The following LINGO3 variants were observed in gnomAD, a reference collection of about 807,000 sequenced individuals.
LINGO3 encodes the protein leucine-rich repeat and immunoglobulin-like domain-containing nogo receptor-interacting protein 3.
For synonymous variants in LINGO3, 427 were observed against 444.2 expected (o/e 0.96, Z 0.49); for missense variants, 750 against 867.7 (o/e 0.86, Z 1.70).
At chr19:2,302,080 T>G in the LINGO3 span, among the ~76,000 whole-genome samples, 2 of 142,768 alleles carry the variant, frequency 1.4e-5, no homozygotes, top group African/African-American at 2.6e-5. Flanking sequence ...TTTTTTTTTT[T>G]TGAGACAGTC....
At chr19:2,304,740 C>CA in the LINGO3 span, among the ~76,000 whole-genome samples, 2 of 83,032 alleles carry the variant, frequency 2.4e-5, no homozygotes, top group Admixed American at 1.8e-4. Context: ...TTTTTTGAGA[C>CA]AGAGTCTCGC....
exon 1 of LINGO3, chr19:2,291,716 G>GGGGCGGCGCCGC (rs1041063267): frequency 6.4e-5 from 86 of 1,342,026 alleles, no homozygotes; most frequent in Non-Finnish European, 7.4e-5. Flanking sequence ...CCTCCAGCCG[G>GGGGCGGCGCCGC]GGGCGGCGCC....
chr19:2,295,035 G>A (rs1490762596), upstream of LINGO3, among the ~76,000 whole-genome samples: 3 of 152,100 alleles, frequency 2.0e-5, no homozygotes, highest in African/African-American at 4.8e-5. Context: ...AAATATCTGC[G>A]AAGGCAGCTC....
At chr19:2,303,111 G>A in the LINGO3 span, among the ~76,000 whole-genome samples, 2 of 152,004 alleles carry the variant, frequency 1.3e-5, no homozygotes, top group East Asian at 1.9e-4. Context: ...AGGAAGCCCC[G>A]TCCCCTTCAG....
chr19:2,303,363 G>C, the LINGO3 span, among the ~76,000 whole-genome samples: 3 of 152,292 alleles, frequency 2.0e-5, no homozygotes, highest in Admixed American at 6.5e-5. Context: ...CTGTGGGGGG[G>C]GGGGTCTGTT....
chr19:2,290,984 C>G lies in LINGO3; in HGVS notation c.793G>C (p.Ala265Pro). ...GTGAGGTGCGCCTGGTGCCGCAGCG[C>G]GGCGGCCGGCACGGCGGTGATGTTG... Residue 265 changes from alanine (A) to proline (P), a missense_variant, in exon 1 of 1, where the codon GCG becomes CCG. Transcript: ENST00000585527. This position sits in a 1 kb window ranked among gnomAD's most constrained non-coding sequence, Gnocchi z 6.0. 1 of 1,611,688 alleles carries G rather than the reference C, an allele frequency of 6.2e-7. No homozygotes were observed.
chr19:2,293,890 T>G (rs946051671), upstream of LINGO3, among the ~76,000 whole-genome samples: 80 of 151,842 alleles, frequency 5.3e-4, 1 homozygote, highest in African/African-American at 1.8e-3. Context: ...CCGTCTCAAC[T>G]AAAAATACAA....
chr19:2,305,153 G>A, the LINGO3 span, among the ~76,000 whole-genome samples: 14 of 152,242 alleles, frequency 9.2e-5, no homozygotes, highest in South Asian at 2.1e-4. Flanking sequence ...GAGGGAGGTC[G>A]CTCGAGGCCT....
Position 2,290,674 on chromosome 19 carries a change from T to C in LINGO3, c.1103A>G (p.Lys368Arg). 6.2e-7 allele frequency: 1 copy of C among 1,608,542 alleles called. No homozygotes were observed. The highest frequency in any genetic ancestry group is 1.1e-5 in the South Asian group (1 of 90,710). The change falls in exon 1 of 1, where the codon AAG becomes AGG. Residue 368 changes from lysine to arginine, a missense_variant. Lys to Arg is a conservative substitution (Grantham distance 26, BLOSUM62 2). Coordinates refer to ENST00000585527, the Ensembl canonical transcript of LINGO3. The surrounding 1 kb of genome is among the most constrained non-coding windows in gnomAD (Gnocchi z 6.0). ...CAGCCGCCCGTCGAAGTTGAGGGTCTTGCGACGCTGCACGATCCACAGCAG... is the reference window on the plus strand; with the variant it reads ...CAGCCGCCCGTCGAAGTTGAGGGTCCTGCGACGCTGCACGATCCACAGCAG...
chr19:2,296,434 C>T (rs560499568), upstream of LINGO3, among the ~76,000 whole-genome samples: 4 of 152,102 alleles, frequency 2.6e-5, no homozygotes, highest in East Asian at 5.8e-4. Context: ...GAGCTGAGAT[C>T]GCGCCGCTGC....
the LINGO3 span, among the ~76,000 whole-genome samples, chr19:2,298,428 C>T: frequency 1.3e-5 from 2 of 151,942 alleles, no homozygotes; most frequent in Admixed American, 6.6e-5. Flanking sequence ...GATAGGGTCT[C>T]ACTCTATTGC....
the LINGO3 span, among the ~76,000 whole-genome samples, chr19:2,302,211 G>A: frequency 6.6e-6 from 1 of 151,518 alleles, no homozygotes; most frequent in African/African-American, 2.4e-5. Flanking sequence ...ACAGACATGC[G>A]CCACTACGCC....
chr19:2,305,915 C>T, the LINGO3 span, among the ~76,000 whole-genome samples: 1 of 152,240 alleles, frequency 6.6e-6, no homozygotes. Flanking sequence ...ATCCTCTGCC[C>T]TAGATCCAGG....
chr19:2,297,657 T>C, the LINGO3 span, among the ~76,000 whole-genome samples: 1 of 143,250 alleles, frequency 7.0e-6, no homozygotes, highest in Non-Finnish European at 1.5e-5. Flanking sequence ...CAGGCTGGAG[T>C]GCAATGGCAC....
chr19:2,288,657 G>A (rs1259560991), downstream of LINGO3, among the ~76,000 whole-genome samples: 3 of 152,176 alleles, frequency 2.0e-5, no homozygotes, highest in East Asian at 5.8e-4. The surrounding 1 kb of genome is among the most constrained non-coding windows in gnomAD (Gnocchi z 6.5). Flanking sequence ...CTTGTGGACA[G>A]CCCTGCTGGG....
At chr19:2,302,741 G>A in the LINGO3 span, among the ~76,000 whole-genome samples, 2 of 152,360 alleles carry the variant, frequency 1.3e-5, no homozygotes, top group East Asian at 1.9e-4. Flanking sequence ...TACCATGCAC[G>A]ACCAGCCGCA....
the LINGO3 span, among the ~76,000 whole-genome samples, chr19:2,297,512 C>T: frequency 7.3e-4 from 111 of 151,388 alleles, no homozygotes; most frequent in African/African-American, 2.6e-3. Context: ...ACCACGTTGG[C>T]CAGGATGGTC....
chr19:2,290,187 G>T lies in LINGO3; in HGVS notation c.1590C>A (p.Ser530=), dbSNP rs776480078. The change falls in exon 1 of 1, where the codon TCC becomes TCA. Residue 530 remains serine (S), a synonymous_variant. Transcript: ENST00000585527. The surrounding 1 kb of genome is among the most constrained non-coding windows in gnomAD (Gnocchi z 6.0). ...GGAAGGTGATGCAGCCCATGGCGGT[G>T]GACACCAGGATGGTGGTGAGGTCGA... The T allele has an allele frequency of 5.6e-6, 9 of 1,611,614 alleles. No individual in the cohort carries two copies. Among genetic ancestry groups the T allele is most frequent in the East Asian group, 2.2e-5 (1 of 44,770 alleles).
rs1201438705 is a variant in LINGO3, at chr19:2,290,236, G to A, written c.1541C>T (p.Thr514Met). 5.6e-6 allele frequency: 9 copies of A among 1,604,992 alleles called. No individual in the cohort carries two copies. Among genetic ancestry groups the A allele is most frequent in the South Asian group, 1.1e-5 (1 of 90,756 alleles). Residue 514 changes from threonine (T) to methionine (M), a missense_variant, in exon 1 of 1, where the codon ACG (threonine) becomes ATG (methionine). Thr to Met is a moderately conservative substitution (Grantham distance 81). Coordinates refer to ENST00000585527, the Ensembl canonical transcript of LINGO3. This position sits in a 1 kb window ranked among gnomAD's most constrained non-coding sequence, Gnocchi z 6.0. ...GAGCGGCGCGCGCAGGGCCGCCAGC[G>A]TCTCGTTGTGGGCCTCGCCCGGGGT...
Sources: allele counts gnomAD v4.1 joint callset (sites outside exome capture counted in the v4.1 genomes callset), GRCh38; gene constraint gnomAD v4.1.1; non-coding constraint Gnocchi (gnomAD v3.1); transcripts MANE v1.5; gene names NCBI Gene and HGNC (gene_info 2026-07-23, HGNC 2026-07-21).